Variants in BARX2 observed in about 807,000 individuals in gnomAD.
BARX2 encodes the protein BARX homeobox 2, also known as homeobox protein BarH-like 2.
Under a neutral mutation model 25.5 loss-of-function variants are expected in BARX2, and 11 were observed. The ratio of observed to expected loss-of-function variants is 0.43; its 90% CI spans 0.27 to 0.71. BARX2 has a LOEUF of 0.71. Among genes scored for constraint, BARX2 ranks in the 30% least tolerant of loss-of-function variants. The pLI, the probability that BARX2 is intolerant of heterozygous loss-of-function variation, is 0.19. For synonymous variants in BARX2, 137 were observed against 149.5 expected (o/e 0.92, Z 0.61); for missense variants, 360 against 359.9 (o/e 1.00, Z 0.00).
chr11:129,377,877 T>C (rs934509629), intron 1 of BARX2, among the ~76,000 whole-genome samples: 1 of 152,204 alleles, frequency 6.6e-6, no homozygotes, highest in African/African-American at 2.4e-5. Context: ...TCCTGGCTTA[T>C]AGGAGTCACA....
intron 1 of BARX2, among the ~76,000 whole-genome samples, chr11:129,419,487 T>C (rs112966948): frequency 7.9e-5 from 12 of 152,296 alleles, no homozygotes; most frequent in African/African-American, 2.6e-4. Context: ...TAGCGTGATA[T>C]ATACTTAAAG....
intron 1 of BARX2, among the ~76,000 whole-genome samples, chr11:129,417,928 G>A (rs1699871329): frequency 6.6e-6 from 1 of 152,182 alleles, no homozygotes; most frequent in Non-Finnish European, 1.5e-5. Flanking sequence ...AAGAGATCCT[G>A]CAGTTTAAAA....
At chr11:129,422,247 G>A (rs139473920) in intron 1 of BARX2, among the ~76,000 whole-genome samples, 3 of 152,158 alleles carry the variant, frequency 2.0e-5, no homozygotes, top group Non-Finnish European at 2.9e-5. Flanking sequence ...TAGACCCTAC[G>A]CTGGACAAGG....
At chr11:129,380,494 G>A (rs1172049030) in intron 1 of BARX2, among the ~76,000 whole-genome samples, 2 of 152,104 alleles carry the variant, frequency 1.3e-5, no homozygotes, top group African/African-American at 4.8e-5. Flanking sequence ...TTTTCAGTCA[G>A]AGACCCAAAC....
chr11:129,407,177 C>T (rs986586952), intron 1 of BARX2, among the ~76,000 whole-genome samples: 3 of 152,190 alleles, frequency 2.0e-5, no homozygotes, highest in African/African-American at 7.2e-5. Flanking sequence ...ATGGTGGTCT[C>T]AGTCTCTGCT....
At chr11:129,403,473 G>A in intron 1 of BARX2, among the ~76,000 whole-genome samples, 1 of 152,118 alleles carries the variant, frequency 6.6e-6, no homozygotes, top group Non-Finnish European at 1.5e-5. Flanking sequence ...ACATACCGTA[G>A]GCCACAGTCC....
chr11:129,439,601 G>A (rs538002741), intron 2 of BARX2, among the ~76,000 whole-genome samples: 5 of 152,180 alleles, frequency 3.3e-5, no homozygotes, highest in African/African-American at 9.7e-5. Flanking sequence ...GGATAGGGAC[G>A]CCATGAACTG....
intron 1 of BARX2, among the ~76,000 whole-genome samples, chr11:129,430,027 T>C (rs1230930756): frequency 6.6e-6 from 1 of 151,864 alleles, no homozygotes; most frequent in East Asian, 1.9e-4. Context: ...CCCCCATACA[T>C]TGTGTTCCCA....
chr11:129,439,529 A>G (rs6590386), intron 2 of BARX2, among the ~76,000 whole-genome samples: 38,601 of 152,044 alleles, frequency 0.25, 6,065 homozygotes, highest in African/African-American at 0.45. Context: ...CAGAATCAAC[A>G]TTGCGGAAGG....
chr11:129,434,837 T>C (rs1360864552), intron 1 of BARX2, among the ~76,000 whole-genome samples: 3 of 152,234 alleles, frequency 2.0e-5, no homozygotes, highest in Admixed American at 2.0e-4. Flanking sequence ...CCCCGTATGC[T>C]TGCCAATGCT....
At chr11:129,410,599 C>A (rs984462839) in intron 1 of BARX2, among the ~76,000 whole-genome samples, 4 of 152,178 alleles carry the variant, frequency 2.6e-5, no homozygotes, top group African/African-American at 9.7e-5. Context: ...TATGTGCACA[C>A]CCTGTGGGCC....
intron 1 of BARX2, among the ~76,000 whole-genome samples, chr11:129,419,947 AT>A (rs1237094496): frequency 6.6e-6 from 1 of 151,682 alleles, no homozygotes; most frequent in Non-Finnish European, 1.5e-5. Context: ...CGTCTGGCTA[AT>A]TTTTGCATTT....
At chr11:129,383,003 T>A (rs1166823446) in intron 1 of BARX2, among the ~76,000 whole-genome samples, 2 of 152,222 alleles carry the variant, frequency 1.3e-5, no homozygotes, top group South Asian at 4.1e-4. Context: ...AACGGTAGTT[T>A]CTTTCCACAG....
Position 129,434,831 on chromosome 11 carries a change from G to A in BARX2, c.188-1920G>A, listed in dbSNP as rs776531303. On this transcript the variant is annotated intron_variant, in intron 1 of 3. Transcript: ENST00000281437. ...ACAATATATGAATGCCTATTTCCCC[G>A]TATGCTTGCCAATGCTAGATATTAC... Among the ~76,000 whole-genome samples, 21 of 152,076 alleles carry A rather than the reference G, an allele frequency of 1.4e-4. 1 individual carries two copies. Among genetic ancestry groups the A allele is most frequent in the African/African-American group, 7.2e-5 (3 of 41,400 alleles).
chr11:129,448,916 G>A (rs953426279), intron 3 of BARX2, among the ~76,000 whole-genome samples: 3 of 152,200 alleles, frequency 2.0e-5, no homozygotes, highest in African/African-American at 7.2e-5. Flanking sequence ...TATGCTAAGT[G>A]AAAGAAGCCA....
At chr11:129,395,876 C>T (rs995534581) in intron 1 of BARX2, among the ~76,000 whole-genome samples, 1 of 152,034 alleles carries the variant, frequency 6.6e-6, no homozygotes, top group Non-Finnish European at 1.5e-5. Context: ...ATAGCGACAC[C>T]CGTGCTCAGG....
chr11:129,376,262 T>C lies in BARX2; in HGVS notation c.187+40T>C. ...TAGGGGATAAGTGGGGTTCGGTAGC[T>C]TTCACGTCCGTGTAGGTGGCCTGTG... On this transcript the variant is annotated intron_variant, in intron 1 of 3. Coordinates refer to ENST00000281437, the MANE Select transcript of BARX2 (RefSeq NM_003658.5). The surrounding 1 kb of genome is among the most constrained non-coding windows in gnomAD (Gnocchi z 4.2). The C allele has an allele frequency of 6.4e-7, 1 of 1,557,734 alleles. No homozygotes were observed. The highest frequency in any genetic ancestry group is 8.7e-7 in the Non-Finnish European group (1 of 1,147,566).
At chr11:129,433,012 G>A (rs991756345) in intron 1 of BARX2, among the ~76,000 whole-genome samples, 3 of 152,030 alleles carry the variant, frequency 2.0e-5, no homozygotes, top group African/African-American at 7.2e-5. Context: ...GCAATCCCAT[G>A]GTCCAATATG....
Position 129,442,211 on chromosome 11 carries a change from T to C in BARX2, c.489-624T>C, listed in dbSNP as rs561861832. On this transcript the variant is annotated intron_variant, in intron 2 of 3. Coordinates refer to ENST00000281437, the MANE Select transcript of BARX2 (RefSeq NM_003658.5). ...TGAGCACCGGTTCTGGATTTAGCAG[T>C]GTGATGGGCACTTTCATGGGTAGAA... 3.3e-5 allele frequency among the ~76,000 whole-genome samples: 5 copies of C among 152,296 alleles called. No homozygotes were observed. The South Asian group carries it at 1.0e-3, about 32-fold the overall frequency.
Sources: allele counts gnomAD v4.1 joint callset (sites outside exome capture counted in the v4.1 genomes callset), GRCh38; gene constraint gnomAD v4.1.1; non-coding constraint Gnocchi (gnomAD v3.1); transcripts MANE v1.5; gene names NCBI Gene and HGNC (gene_info 2026-07-23, HGNC 2026-07-21).